CKAP5: variants seen among roughly 807,000 people sequenced by gnomAD.
The protein encoded by CKAP5 is cytoskeleton associated protein 5, also known as cytoskeleton-associated protein 5.
A neutral mutation model predicts 232.8 loss-of-function variants in CKAP5; 27 were observed. The ratio of observed to expected loss-of-function variants is 0.12; its 90% CI spans 0.09 to 0.16. The LOEUF (loss-of-function observed/expected upper bound fraction) is 0.16, where lower values mean the gene tolerates loss of function less well. CKAP5 is among the 10% of genes least tolerant of loss of function. The pLI, the probability that CKAP5 is intolerant of heterozygous loss-of-function variation, is 1.00. For synonymous variants in CKAP5, 785 were observed against 841.1 expected, an observed-to-expected ratio of 0.93 and a Z score of 1.16; for missense variants, 1,838 against 2,424.7, an observed-to-expected ratio of 0.76 and a Z score of 5.08.
chr11:46,816,592 T>A (rs991796001), intron 3 of CKAP5, among the ~76,000 whole-genome samples, 188 bp from the exon 4 acceptor site: 1 of 152,192 alleles, frequency 6.6e-6, no homozygotes, highest in African/African-American at 2.4e-5. Context: ...AGACATGTCA[T>A]AGCAGGCATA....
At chr11:46,845,618 C>T (rs1260970345) in intron 1 of CKAP5, among the ~76,000 whole-genome samples, 2 of 152,170 alleles carry the variant, frequency 1.3e-5, no homozygotes, top group Non-Finnish European at 2.9e-5. Context: ...TTCCCCAACA[C>T]CTCCAGGGCT....
intron 38 of CKAP5, among the ~76,000 whole-genome samples, chr11:46,752,293 A>G (rs1311605163): frequency 6.8e-6 from 1 of 147,298 alleles, no homozygotes; most frequent in Non-Finnish European, 1.5e-5. Context: ...ATATACATAT[A>G]TATAATACAC....
chr11:46,776,016 G>T (rs1436477045), intron 24 of CKAP5, among the ~76,000 whole-genome samples: 1 of 151,828 alleles, frequency 6.6e-6, no homozygotes, highest in African/African-American at 2.4e-5. Flanking sequence ...AAATGTTTAA[G>T]AAAAGGGAAA....
At chr11:46,833,779 G>A (rs1368843203) in intron 1 of CKAP5, among the ~76,000 whole-genome samples, 2 of 151,234 alleles carry the variant, frequency 1.3e-5, no homozygotes, top group African/African-American at 2.4e-5. Flanking sequence ...GCCCAGCTAA[G>A]TAAGTAGTAG....
At chr11:46,831,861 C>CT (rs71042624) in intron 1 of CKAP5, among the ~76,000 whole-genome samples, 99,342 of 118,994 alleles carry the variant, frequency 0.83, 42,414 homozygotes, top group African/African-American at 0.9. Flanking sequence ...TAAACTTATC[C>CT]TTTTTTTTTT....
rs773152460 is a variant in CKAP5, at chr11:46,752,682, G to A, written c.5086C>T (p.Leu1696=). 6.2e-7 allele frequency: 1 copy of A among 1,613,046 alleles called. No homozygotes were observed. The highest frequency in any genetic ancestry group is 8.5e-7 in the Non-Finnish European group (1 of 1,179,346). Residue 1696 remains leucine, a synonymous_variant, in exon 38 of 44, where the codon CTG becomes TTG. Coordinates refer to ENST00000529230, the MANE Select transcript of CKAP5 (RefSeq NM_001008938.4). ...TTGGGAGAACTGGCTGTTGCTAGCAGGCTGTCTTGGAGCAAAACAAGTAGG... is the reference window on the plus strand; with the variant it reads ...TTGGGAGAACTGGCTGTTGCTAGCAAGCTGTCTTGGAGCAAAACAAGTAGG... ...SALLVLLQDS[L]LATASSPKFS...
At chr11:46,826,826 A>AGGCGGC (rs955265117) in intron 1 of CKAP5, 22 of 155,510 alleles carry the variant, frequency 1.4e-4, no homozygotes, top group Non-Finnish European at 2.4e-4. Flanking sequence ...AATACCCGGC[A>AGGCGGC]GGCGGCGGCG....
chr11:46,797,837 A>G lies in CKAP5; in HGVS notation c.1306T>C (p.Leu436=), dbSNP rs1343929061. The G allele has an allele frequency of 6.2e-7, 1 of 1,613,494 alleles. No individual in the cohort carries two copies. Among genetic ancestry groups the G allele is most frequent in the East Asian group, 2.2e-5 (1 of 44,864 alleles). The change falls in exon 11 of 44, where the codon TTG becomes CTG. Residue 436 remains leucine (L), a synonymous_variant. Transcript: ENST00000529230. ...AGTGCAGCACAAAAGGGCTTTAGCA[A>G]GCTCTTTGGCAGGGTAGAAGCAGTG... ...HCTASTLPKS[L]LKPFCAALLK... is the part of the protein sequence containing the mutation.
chr11:46,816,237 A>G lies in CKAP5; in HGVS notation c.419T>C (p.Ile140Thr). The change falls in exon 4 of 44, where the codon ATC becomes ACC. Residue 140 changes from isoleucine to threonine, a missense_variant. By Grantham distance (89) the Ile-to-Thr change is moderately conservative (BLOSUM62 -1). Coordinates refer to ENST00000529230, the MANE Select transcript of CKAP5 (RefSeq NM_001008938.4). The stretch of plus-strand genomic sequence containing the variant: ...CAGTGTCTCTATACAGGCCACTATG[A>G]TCTTGGGATTCTTATTGTCCAAGCC... ...LKGLDNKNPK[I>T]IVACIETLRK... 6.8e-6 allele frequency: 11 copies of G among 1,614,138 alleles called. No homozygotes were observed. Among genetic ancestry groups the G allele is most frequent in the Non-Finnish European group, 9.3e-6 (11 of 1,180,020 alleles).
intron 18 of CKAP5, 52 bp from the exon 19 acceptor site, chr11:46,780,537 T>G: frequency 6.6e-7 from 1 of 1,503,794 alleles, no homozygotes; most frequent in Non-Finnish European, 9.2e-7. Context: ...CTCAAAATAC[T>G]CAATAACGTT....
At chr11:46,787,903 T>TA (rs1459014725) in intron 16 of CKAP5, among the ~76,000 whole-genome samples, 5 of 152,202 alleles carry the variant, frequency 3.3e-5, no homozygotes, top group African/African-American at 9.6e-5. Context: ...CCCCTTTTCT[T>TA]ACTCTTTCTC....
At chr11:46,790,673 C>CAAAAAAAATAA in intron 13 of CKAP5, 90 bp from the exon 14 acceptor site, 1 of 915,210 alleles carries the variant, frequency 1.1e-6, no homozygotes, top group Non-Finnish European at 1.6e-6. Flanking sequence ...GACAGTGTCT[C>CAAAAAAAATAA]ATATTGTTGT....
In CKAP5 at chr11:46,750,424, C is replaced by A. The variant is rs1224886976; in HGVS notation, c.5554G>T (p.Glu1852Ter). ...TATTTCTTCTTATATTCATATAACTCTGCTAGTCCCTGGTGAACAGGAAAA... is the reference window on the plus strand; with the variant it reads ...TATTTCTTCTTATATTCATATAACTATGCTAGTCCCTGGTGAACAGGAAAA... ...SKENTKEGLA[E>*]LYEYKKKYSD... Residue 1852 changes from glutamate to a stop codon, truncating the protein, a stop_gained, in exon 42 of 44, where the codon GAG becomes TAG. Transcript: ENST00000529230. LOFTEE classifies it high-confidence loss of function. 2 of 1,614,042 alleles carry A rather than the reference C, an allele frequency of 1.2e-6. No individual in the cohort carries two copies. Among genetic ancestry groups the A allele is most frequent in the Non-Finnish European group, 1.7e-6 (2 of 1,179,948 alleles).
At chr11:46,762,598 C>T in intron 31 of CKAP5, 29 bp downstream of exon 31, 6 of 1,612,160 alleles carry the variant, frequency 3.7e-6, no homozygotes, top group Non-Finnish European at 5.1e-6. Context: ...TGCAGAGATT[C>T]ACATCTCAGT....
intron 1 of CKAP5, among the ~76,000 whole-genome samples, chr11:46,834,860 C>T (rs913132653): frequency 6.6e-6 from 1 of 152,038 alleles, no homozygotes. Flanking sequence ...GGCTGGAATA[C>T]AGTGGCACAA....
In CKAP5 at chr11:46,743,284, A is replaced by G. The variant is rs2064998412; in HGVS notation, c.*739T>C. The G allele has an allele frequency of 6.6e-6, 1 of 152,186 alleles. No homozygotes were observed. The highest frequency in any genetic ancestry group is 1.5e-5 in the Non-Finnish European group (1 of 68,032). 9.4% of individuals were successfully genotyped at this position (152,186 alleles called of 1,614,324 possible). A position where few individuals can be genotyped will look rare whatever the true frequency, so the allele number is the denominator to read the frequency against. ...GAAACGACTGGTGATAATTGGAGGG[A>G]AATCATGACCAAAATCTCAAAACAA... On this transcript the variant is annotated 3_prime_UTR_variant, in exon 44 of 44. Coordinates refer to ENST00000529230, the MANE Select transcript of CKAP5 (RefSeq NM_001008938.4).
chr11:46,795,562 TACTA>T, intron 13 of CKAP5, 28 bp downstream of exon 13: 1 of 1,571,704 alleles, frequency 6.4e-7, no homozygotes, highest in East Asian at 2.3e-5. Context: ...GACCCTTCCT[TACTA>T]ACTTCTATTT....
chr11:46,744,585 G>A lies in CKAP5; in HGVS notation c.5705-8C>T, dbSNP rs569396244. 5 of 1,611,364 alleles carry A rather than the reference G, an allele frequency of 3.1e-6. No homozygotes were observed. Among genetic ancestry groups the A allele is most frequent in the South Asian group, 1.1e-5 (1 of 90,756 alleles). ...CCATCTGAGGGGAGATGCCTAGAGGGGAAAAAGTAGAAAGAATATTCAGAT... is the reference window on the plus strand; with the variant it reads ...CCATCTGAGGGGAGATGCCTAGAGGAGAAAAAGTAGAAAGAATATTCAGAT... On this transcript the variant is annotated splice_region_variant and splice_polypyrimidine_tract_variant and intron_variant, in intron 42 of 43. Coordinates refer to ENST00000529230, the MANE Select transcript of CKAP5 (RefSeq NM_001008938.4).
At chr11:46,798,896 ACC>A (rs901361536) in intron 9 of CKAP5, among the ~76,000 whole-genome samples, 13 of 152,244 alleles carry the variant, frequency 8.5e-5, no homozygotes, top group Admixed American at 7.2e-4. Context: ...ACCAAAACAA[ACC>A]AATAAAGCAA....
Sources: gnomAD v4.1 joint callset for allele counts (sites outside exome capture counted in the v4.1 genomes callset) on GRCh38, gnomAD v4.1.1 for gene constraint, MANE v1.5 for transcripts, NCBI Gene and HGNC (gene_info 2026-07-23, HGNC 2026-07-21) for gene names.